The following COL5A1 variants were observed in gnomAD, a reference collection of about 807,000 sequenced individuals.
COL5A1 encodes collagen type V alpha 1 chain.
Under a neutral mutation model 263.7 loss-of-function variants are expected in COL5A1, and 16 were observed. The ratio of observed to expected loss-of-function variants is 0.06; its 90% CI spans 0.04 to 0.09. COL5A1 has a LOEUF of 0.09. Ranked by LOEUF, COL5A1 falls within the 10% of genes least tolerant of loss-of-function variation. The pLI, the probability that COL5A1 is intolerant of heterozygous loss-of-function variation, is 1.00. For missense variants in COL5A1, 2,036 were observed against 2,540.5 expected, an observed-to-expected ratio of 0.80 and a Z score of 4.27; for synonymous variants, 1,012 against 1,004.5, an observed-to-expected ratio of 1.01 and a Z score of -0.14.
intron 64 of COL5A1, among the ~76,000 whole-genome samples, chr9:134,831,935 C>T (rs560626365): frequency 1.3e-5 from 2 of 152,232 alleles, no homozygotes; most frequent in East Asian, 1.9e-4. Context: ...GAATATCATA[C>T]GTGGACAAGA....
At chr9:134,687,438 TCCATC>T (rs1564387961) in intron 1 of COL5A1, among the ~76,000 whole-genome samples, 1 of 151,572 alleles carries the variant, frequency 6.6e-6, no homozygotes, top group African/African-American at 2.4e-5. Flanking sequence ...CATCCATCCA[TCCATC>T]CATCCATCCA....
rs762097640 is a variant in COL5A1 at position 134,765,644 on chromosome 9, C to T, written c.2035-37C>T. On this transcript the variant is annotated intron_variant, in intron 20 of 65. Coordinates refer to ENST00000371817, the MANE Select transcript of COL5A1 (RefSeq NM_000093.5). This position sits in a 1 kb window ranked among gnomAD's most constrained non-coding sequence, Gnocchi z 5.1. ...ACAGAGAGGAGGGCTGGGATTTCTGCCCGAGTTTAAATCCTATTTTCCCTT... is the reference window on the plus strand; with the variant it reads ...ACAGAGAGGAGGGCTGGGATTTCTGTCCGAGTTTAAATCCTATTTTCCCTT... The T allele has an allele frequency of 1.3e-6, 2 of 1,596,432 alleles. No individual in the cohort carries two copies. The highest frequency in any genetic ancestry group is 1.1e-5 in the South Asian group (1 of 90,600).
chr9:134,705,368 T>G (rs1485798203), intron 4 of COL5A1, among the ~76,000 whole-genome samples: 1 of 152,218 alleles, frequency 6.6e-6, no homozygotes, highest in African/African-American at 2.4e-5. Context: ...AGCAGCCCCC[T>G]GCGCCTGCAG....
chr9:134,792,001 G>A (rs1043029231), intron 32 of COL5A1, among the ~76,000 whole-genome samples: 10 of 152,218 alleles, frequency 6.6e-5, no homozygotes, highest in African/African-American at 2.4e-4. Context: ...GTCCAGGGAG[G>A]CCTCCTGGAG....
intron 32 of COL5A1, among the ~76,000 whole-genome samples, chr9:134,793,122 C>T (rs927578335): frequency 5.3e-5 from 8 of 151,972 alleles, no homozygotes; most frequent in African/African-American, 1.7e-4. Context: ...AGCAAAGTGT[C>T]GCTTTGCCCC....
chr9:134,733,379 G>A (rs1294635094), intron 9 of COL5A1, among the ~76,000 whole-genome samples: 2 of 152,194 alleles, frequency 1.3e-5, no homozygotes. Flanking sequence ...ACCCCTTCCT[G>A]GCCTATGGAA....
chr9:134,652,906 C>T lies in COL5A1; in HGVS notation c.109+10610C>T, dbSNP rs1375926964. The T allele has an allele frequency of 1.8e-5, 6 of 335,422 alleles. No homozygotes were observed. The highest frequency in any genetic ancestry group is 8.5e-5 in the East Asian group (1 of 11,778). 20.8% of individuals were successfully genotyped at this position (335,422 alleles called of 1,614,324 possible). On this transcript the variant is annotated intron_variant, in intron 1 of 65. Transcript: ENST00000371817. The surrounding 1 kb of genome is among the most constrained non-coding windows in gnomAD (Gnocchi z 4.4). ...TGGGCCCAGGAAACTGCATTTCTAA[C>T]GAAGTCAGTTCCCAGACCACGCGGA...
chr9:134,820,175 C>T lies in COL5A1; in HGVS notation c.4506C>T (p.Asp1502=). The T allele has an allele frequency of 6.2e-7, 1 of 1,613,970 alleles. No homozygotes were observed. Among genetic ancestry groups the T allele is most frequent in the Non-Finnish European group, 8.5e-7 (1 of 1,179,970 alleles). The stretch of plus-strand genomic sequence containing the variant: ...CGGGTGAACAGGGTGAGAAGGGCGA[C>T]CGTGGTCTCCCTGGCCCCCAGGGCT... ...GPPGEQGEKG[D]RGLPGPQGSS... Residue 1502 remains aspartate (D), a synonymous_variant, in exon 58 of 66, where the codon GAC becomes GAT. Coordinates refer to ENST00000371817, the MANE Select transcript of COL5A1 (RefSeq NM_000093.5).
chr9:134,797,027 G>C, intron 36 of COL5A1, 126 bp downstream of exon 36: 1 of 1,053,096 alleles, frequency 9.5e-7, no homozygotes. Context: ...GGTGGGTGGA[G>C]GGAGGCCCGA....
rs749779968 is a variant in COL5A1 at position 134,660,644 on chromosome 9, A to G, written c.109+18348A>G. Among the ~76,000 whole-genome samples, 77 of 152,286 alleles carry G rather than the reference A, an allele frequency of 5.1e-4. 1 individual carries two copies. Among genetic ancestry groups the G allele is most frequent in the Middle Eastern group, 6.8e-3 (2 of 294 alleles). ...ATCCCAGCTCTACTAGACATTGTGA[A>G]AACCTAGGCTTGGCCTGGGTTGTAC... On this transcript the variant is annotated intron_variant, in intron 1 of 65. Coordinates refer to ENST00000371817, the MANE Select transcript of COL5A1 (RefSeq NM_000093.5).
chr9:134,734,990 C>T (rs1835046500), intron 9 of COL5A1, among the ~76,000 whole-genome samples: 1 of 152,120 alleles, frequency 6.6e-6, no homozygotes, highest in East Asian at 1.9e-4. Flanking sequence ...GCAGGCAGAT[C>T]ACCTGAAGTC....
chr9:134,759,956 CA>C (rs1472561419), intron 18 of COL5A1, among the ~76,000 whole-genome samples: 4 of 135,360 alleles, frequency 3.0e-5, no homozygotes, highest in African/African-American at 2.9e-5. Flanking sequence ...CCCACACCCC[CA>C]CACTCATGCA....
chr9:134,734,293 G>A (rs1835017573), intron 9 of COL5A1, among the ~76,000 whole-genome samples: 1 of 149,494 alleles, frequency 6.7e-6, no homozygotes, highest in South Asian at 2.1e-4. Flanking sequence ...GAACATCATG[G>A]CTCTGGAAAG....
chr9:134,641,941 T>G lies in COL5A1; in HGVS notation c.-247T>G, dbSNP rs71483234. The G allele has an allele frequency of 1, 387,234 of 388,654 alleles. 192,911 individuals carry two copies. Among genetic ancestry groups the G allele is most frequent in the Middle Eastern group, 1 (1,530 of 1,530 alleles). The allele number at this position is 388,654 out of a possible 1,614,324, so 24.1% of individuals were successfully genotyped here. On this transcript the variant is annotated 5_prime_UTR_variant, in exon 1 of 66. Coordinates refer to ENST00000371817, the MANE Select transcript of COL5A1 (RefSeq NM_000093.5). ...GGAGGAGGAGGAGGCGAGGGCGAGC[T>G]AGCCCAGCGGGGTCCCGGCCGCCCC...
rs114044162 is a variant in COL5A1, at chr9:134,777,921, T to G, written c.2386-2181T>G. On this transcript the variant is annotated intron_variant, in intron 27 of 65. Transcript: ENST00000371817. Reference sequence around the variant, plus strand: ...TGAGCAGGCTCAACCCTGATTGTATTCTCAGCCACACCTGCGATTTTCCTG... The same window carrying G: ...TGAGCAGGCTCAACCCTGATTGTATGCTCAGCCACACCTGCGATTTTCCTG... Among the ~76,000 whole-genome samples the G allele has an allele frequency of 1.8e-3, 273 of 152,368 alleles. 3 individuals are homozygous for G. The highest frequency in any genetic ancestry group is 6.4e-3 in the African/African-American group (266 of 41,590).
chr9:134,737,893 A>G (rs1835160674), intron 9 of COL5A1, among the ~76,000 whole-genome samples: 1 of 152,126 alleles, frequency 6.6e-6, no homozygotes, highest in South Asian at 2.1e-4. Flanking sequence ...GCAGGTGGAC[A>G]TGGCAGGGTT....
chr9:134,786,815 C>T (rs1327474114), intron 31 of COL5A1, among the ~76,000 whole-genome samples: 1 of 152,226 alleles, frequency 6.6e-6, no homozygotes, highest in Non-Finnish European at 1.5e-5. Flanking sequence ...TTTCTCAGAT[C>T]TGCCTCTGCC....
At chr9:134,807,271 G>A (rs925247649) in intron 42 of COL5A1, among the ~76,000 whole-genome samples, 1 of 152,208 alleles carries the variant, frequency 6.6e-6, no homozygotes, top group South Asian at 2.1e-4. Context: ...AGTTAGGTCT[G>A]AGTGCTGATT....
At chr9:134,752,285 C>A (rs1383811836) in intron 13 of COL5A1, among the ~76,000 whole-genome samples, 2 of 152,184 alleles carry the variant, frequency 1.3e-5, no homozygotes, top group African/African-American at 2.4e-5. Context: ...TGGGAGCAGG[C>A]CCTCTCTGTG....
Sources: allele counts gnomAD v4.1 joint callset (sites outside exome capture counted in the v4.1 genomes callset), GRCh38; gene constraint gnomAD v4.1.1; non-coding constraint Gnocchi (gnomAD v3.1); transcripts MANE v1.5; gene names NCBI Gene and HGNC (gene_info 2026-07-23, HGNC 2026-07-21).